Variants in CEP128 observed in about 807,000 individuals in gnomAD.
CEP128 encodes the protein centrosomal protein 128kDa.
In CEP128, 132 loss-of-function variants were observed where a neutral mutation model predicts 156.7. The observed-to-expected ratio is 0.84, with a 90% CI of 0.73 to 0.97. The LOEUF (loss-of-function observed/expected upper bound fraction) is 0.97. Ranked by LOEUF, CEP128 falls within the 50% of genes least tolerant of loss-of-function variation. The probability of loss-of-function intolerance (pLI) is 0.00; values close to 1 mark genes in which losing one functional copy is unlikely to be tolerated. For missense variants in CEP128, 1,252 were observed against 1,281.9 expected, an observed-to-expected ratio of 0.98 and a Z score of 0.36; for synonymous variants, 469 against 448.9, an observed-to-expected ratio of 1.04 and a Z score of -0.57.
At chr14:80,551,108 A>G (rs1890191244) in intron 21 of CEP128, among the ~76,000 whole-genome samples, 1 of 152,176 alleles carries the variant, frequency 6.6e-6, no homozygotes, top group Non-Finnish European at 1.5e-5. Context: ...TCTGTCATCA[A>G]AATTAATTTT....
intron 16 of CEP128, among the ~76,000 whole-genome samples, chr14:80,769,273 T>C (rs1451677941): frequency 6.6e-6 from 1 of 151,958 alleles, no homozygotes; most frequent in Non-Finnish European, 1.5e-5. Context: ...AATTTTATTC[T>C]GAGTTGTTTT....
At chr14:80,528,455 A>G (rs1889080773) in intron 22 of CEP128, among the ~76,000 whole-genome samples, 1 of 152,062 alleles carries the variant, frequency 6.6e-6, no homozygotes, top group Non-Finnish European at 1.5e-5. Flanking sequence ...CGCCCAGCTA[A>G]TTTTGTGTTT....
chr14:80,651,140 AT>A lies in CEP128; in HGVS notation c.2807-70718del, dbSNP rs1294121784. ...AGGGATTCAACTTCTTCCTTTTAGAATTAGGAGGGTGTATATGTCCAGGAAC... is the reference window on the plus strand; with the variant it reads ...AGGGATTCAACTTCTTCCTTTTAGAATAGGAGGGTGTATATGTCCAGGAAC... On this transcript the variant is annotated intron_variant, in intron 19 of 24. Transcript: ENST00000555265. Among the ~76,000 whole-genome samples the A allele has an allele frequency of 1.8e-4, 27 of 151,600 alleles. No homozygotes were observed. The Admixed American group carries it at 1.8e-3, about 10-fold the overall frequency.
chr14:80,713,019 C>T (rs930270013), intron 19 of CEP128, among the ~76,000 whole-genome samples: 2 of 152,116 alleles, frequency 1.3e-5, no homozygotes, highest in Non-Finnish European at 2.9e-5. Context: ...TGAATCTAAT[C>T]ATATCATAGA....
At chr14:80,782,507 G>A (rs1480696232) in intron 15 of CEP128, among the ~76,000 whole-genome samples, 1 of 152,090 alleles carries the variant, frequency 6.6e-6, no homozygotes, top group East Asian at 1.9e-4. Flanking sequence ...CTTCATACCA[G>A]TTTTCATCTT....
At chr14:80,822,251 C>T (rs369237706) in intron 13 of CEP128, among the ~76,000 whole-genome samples, 12 of 152,260 alleles carry the variant, frequency 7.9e-5, no homozygotes, top group South Asian at 4.2e-4. Flanking sequence ...AAGTCTCTTC[C>T]GCCCATAAGC....
intron 19 of CEP128, 33 bp from the exon 20 acceptor site, chr14:80,580,456 AC>A: frequency 7.0e-7 from 1 of 1,425,918 alleles, no homozygotes; most frequent in South Asian, 1.2e-5. Context: ...CCATCAAAAT[AC>A]AATGTAAAAA....
intron 19 of CEP128, among the ~76,000 whole-genome samples, chr14:80,700,934 G>A (rs1461557999): frequency 6.6e-6 from 1 of 152,130 alleles, no homozygotes; most frequent in African/African-American, 2.4e-5. Flanking sequence ...ATCACATATA[G>A]GAGAGTCTGC....
At chr14:80,899,729 G>T (rs868197587) in intron 7 of CEP128, among the ~76,000 whole-genome samples, 3 of 152,028 alleles carry the variant, frequency 2.0e-5, no homozygotes, top group Admixed American at 2.0e-4. Context: ...AAGTTAAAGC[G>T]TTTTTAGAAA....
At chr14:80,933,460 T>C (rs1241756310) in intron 2 of CEP128, among the ~76,000 whole-genome samples, 3 of 152,176 alleles carry the variant, frequency 2.0e-5, no homozygotes, top group South Asian at 2.1e-4. Flanking sequence ...TATAGTTAAT[T>C]ATATCAGGAG....
At chr14:80,510,932 A>C (rs1888216219) in intron 23 of CEP128, among the ~76,000 whole-genome samples, 1 of 151,836 alleles carries the variant, frequency 6.6e-6, no homozygotes, top group South Asian at 2.1e-4. Flanking sequence ...GTGTATGTTA[A>C]ACCATGTTTG....
chr14:80,751,924 C>T (rs1453457959), intron 18 of CEP128, among the ~76,000 whole-genome samples: 1 of 152,100 alleles, frequency 6.6e-6, no homozygotes, highest in African/African-American at 2.4e-5. Context: ...AGCCACCGCA[C>T]CCAGGTAATG....
intron 10 of CEP128, among the ~76,000 whole-genome samples, chr14:80,840,375 A>G (rs1290160907): frequency 1.3e-5 from 2 of 152,206 alleles, no homozygotes; most frequent in Non-Finnish European, 2.9e-5. Flanking sequence ...TCTCCAAATG[A>G]CAGGTCTTTT....
At chr14:80,830,923 A>C (rs1206810744) in intron 13 of CEP128, 1 of 463,830 alleles carries the variant, frequency 2.2e-6, no homozygotes. Context: ...ATAATAAAGG[A>C]AAATCATCCA....
chr14:80,895,828 AT>A, intron 7 of CEP128, 38 bp from the exon 8 acceptor site: 2 of 1,353,728 alleles, frequency 1.5e-6, no homozygotes, highest in Non-Finnish European at 9.9e-7. Context: ...AAATTTGGAT[AT>A]TTAGAAAATA....
intron 9 of CEP128, among the ~76,000 whole-genome samples, chr14:80,843,333 T>A (rs1053208033): frequency 9.2e-5 from 14 of 152,070 alleles, no homozygotes; most frequent in African/African-American, 2.2e-4. Flanking sequence ...AGAAAAATTA[T>A]AAACATAACC....
chr14:80,882,933 G>C (rs889976809), intron 8 of CEP128, among the ~76,000 whole-genome samples: 4 of 152,152 alleles, frequency 2.6e-5, no homozygotes, highest in Non-Finnish European at 5.9e-5. Context: ...AAGAGGAAGG[G>C]AAGTTTAATG....
chr14:80,793,998 A>T (rs892623197), intron 13 of CEP128, among the ~76,000 whole-genome samples: 11 of 152,348 alleles, frequency 7.2e-5, no homozygotes, highest in Admixed American at 5.2e-4. Context: ...TGATAAATTC[A>T]GAAATAAAGC....
chr14:80,810,323 C>CAAAAAAAAAAAAAAAAA (rs71103883), intron 13 of CEP128, among the ~76,000 whole-genome samples: 11 of 15,194 alleles, frequency 7.2e-4, no homozygotes, highest in South Asian at 2.4e-3. Flanking sequence ...ACTCCATCTC[C>CAAAAAAAAAAAAAAAAA]AAAAAAAAAA....
Sources: gnomAD v4.1 joint callset for allele counts (sites outside exome capture counted in the v4.1 genomes callset) on GRCh38, gnomAD v4.1.1 for gene constraint, MANE v1.5 for transcripts, NCBI Gene and HGNC (gene_info 2026-07-23, HGNC 2026-07-21) for gene names.